IPO5: variants seen among roughly 807,000 people sequenced by gnomAD.
IPO5 encodes importin 5.
Under a neutral mutation model 143.3 loss-of-function variants are expected in IPO5, and 18 were observed. That is an observed-to-expected ratio of 0.13 (90% CI 0.09 to 0.19). The LOEUF (loss-of-function observed/expected upper bound fraction) is 0.19. IPO5 is among the 10% of genes least tolerant of loss of function. The pLI, the probability that IPO5 is intolerant of heterozygous loss-of-function variation, is 1.00. For missense variants in IPO5, 1,013 were observed against 1,336.9 expected, an observed-to-expected ratio of 0.76 and a Z score of 3.78; for synonymous variants, 477 against 465.7, an observed-to-expected ratio of 1.02 and a Z score of -0.31.
At position 97,976,717 on chromosome 13, in the gene IPO5, G is replaced by A; in HGVS notation, c.21G>A (p.Glu7=). 1.4e-6 allele frequency: 2 copies of A among 1,397,822 alleles called. No individual in the cohort carries two copies. The highest frequency in any genetic ancestry group is 9.5e-7 in the Non-Finnish European group (1 of 1,050,904). The allele number at this position is 1,397,822 out of a possible 1,614,324, so 86.6% of individuals were successfully genotyped here. A position where few individuals can be genotyped will look rare whatever the true frequency, so the allele number is the denominator to read the frequency against. ...GCGCAATGGCGGCGGCCGCGGCGGA[G>A]CAGCAACAGTTCTACCTGCTCCTGG... MAAAAA[E]QQQFYLLLGN... is the part of the protein sequence containing the mutation. Residue 7 remains glutamate (E), a synonymous_variant, in exon 4 of 29, where the codon GAG becomes GAA. Transcript: ENST00000651721.
In IPO5 at chr13:98,010,104, C is replaced by T; in HGVS notation, c.1935C>T (p.Thr645=). ...ATTTGTTTTCTTCTCCGTTAATAGC[C>T]CAAGACATGGAGAATATGAGTGATG... ...SIKPEVALLD[T]QDMENMSDDD... Residue 645 remains threonine, a splice_region_variant and synonymous_variant, in exon 20 of 29, where the codon ACC becomes ACT. Coordinates refer to ENST00000651721, the MANE Select transcript of IPO5 (RefSeq NM_002271.6). 1 of 1,613,780 alleles carries T rather than the reference C, an allele frequency of 6.2e-7. No homozygotes were observed. Among genetic ancestry groups the T allele is most frequent in the Non-Finnish European group, 8.5e-7 (1 of 1,179,858 alleles).
At chr13:97,982,159 G>A (rs1225612903) in intron 4 of IPO5, 1 of 207,778 alleles carries the variant, frequency 4.8e-6, no homozygotes, top group African/African-American at 2.3e-5. Context: ...GTGATTTTAA[G>A]TGAGCCCTAA....
rs764957185 is a variant in IPO5 at position 98,016,717 on chromosome 13, TG to T, written c.2494-11del. 1.7e-4 allele frequency: 225 copies of T among 1,349,738 alleles called. 1 individual carries two copies. In the East Asian group the frequency reaches 3.1e-3, roughly 18 times the overall value. 83.6% of individuals were successfully genotyped at this position (1,349,738 alleles called of 1,614,324 possible). ...TAATCCATATGAGTGTTTATGTGTATGTTTTTTTTAGGATGATAATGATGTT... is the reference window on the plus strand; with the variant it reads ...TAATCCATATGAGTGTTTATGTGTATTTTTTTTTAGGATGATAATGATGTT... On this transcript the variant is annotated splice_polypyrimidine_tract_variant and intron_variant, in intron 24 of 28. Coordinates refer to ENST00000651721, the MANE Select transcript of IPO5 (RefSeq NM_002271.6).
chr13:97,966,133 C>CAAA (rs34256210), intron 2 of IPO5, among the ~76,000 whole-genome samples: 67 of 89,202 alleles, frequency 7.5e-4, no homozygotes, highest in African/African-American at 1.3e-3. Flanking sequence ...GGCCCCCTCT[C>CAAA]AAAAAAAAAA....
Position 98,005,132 on chromosome 13 carries a change from A to G in IPO5, c.1498-998A>G, listed in dbSNP as rs138603028. ...GTCTGTTCTTGAACACCTGACCTCA[A>G]GTCATCCGCCCACCTGGGCCTCCCA... On this transcript the variant is annotated intron_variant, in intron 16 of 28. Transcript: ENST00000651721. Among the ~76,000 whole-genome samples, 69 of 149,826 alleles carry G rather than the reference A, an allele frequency of 4.6e-4. 1 individual carries two copies. The East Asian group carries it at 0.013, about 29-fold the overall frequency.
chr13:97,991,466 A>G (rs1887800308), intron 9 of IPO5, among the ~76,000 whole-genome samples: 1 of 152,234 alleles, frequency 6.6e-6, no homozygotes, highest in Non-Finnish European at 1.5e-5. Flanking sequence ...AAGGTTCTGA[A>G]CAAAGCAAAG....
At chr13:97,975,302 A>C (rs983537727) in intron 3 of IPO5, among the ~76,000 whole-genome samples, 1 of 151,978 alleles carries the variant, frequency 6.6e-6, no homozygotes, top group African/African-American at 2.4e-5. Flanking sequence ...CAACTGGGCC[A>C]ACTTGGTGAA....
intron 2 of IPO5, among the ~76,000 whole-genome samples, chr13:97,968,157 T>C (rs142364711): frequency 2.0e-4 from 31 of 152,360 alleles, no homozygotes; most frequent in African/African-American, 7.2e-4. Flanking sequence ...ACTTGTTATT[T>C]AGGAGTATGC....
rs889246310 is a variant in IPO5 at position 98,015,166 on chromosome 13, A to G, written c.2326-364A>G. On this transcript the variant is annotated intron_variant, in intron 22 of 28. Coordinates refer to ENST00000651721, the MANE Select transcript of IPO5 (RefSeq NM_002271.6). ...CCTATATTTTATTTCTTCTACCTCT[A>G]ATGCCCTTCCTTCAGTGTTCTTGTA... is the stretch of plus-strand genomic sequence containing the variant. Among the ~76,000 whole-genome samples, 60 of 151,634 alleles carry G rather than the reference A, an allele frequency of 4.0e-4. 3 individuals carry two copies.
At chr13:97,980,749 C>A (rs1426274949) in intron 4 of IPO5, among the ~76,000 whole-genome samples, 2 of 151,726 alleles carry the variant, frequency 1.3e-5, no homozygotes, top group Non-Finnish European at 2.9e-5. Context: ...ATCTCTTGAA[C>A]CTGGGCAGCA....
rs1380329286 is a variant in IPO5 at position 97,990,425 on chromosome 13, G to T, written c.565-8G>T. 1 of 1,573,822 alleles carries T rather than the reference G, an allele frequency of 6.4e-7. No homozygotes were observed. Among genetic ancestry groups the T allele is most frequent in the Admixed American group, 1.9e-5 (1 of 52,680 alleles). On this transcript the variant is annotated splice_region_variant and splice_polypyrimidine_tract_variant and intron_variant, in intron 8 of 28. Coordinates refer to ENST00000651721, the MANE Select transcript of IPO5 (RefSeq NM_002271.6). ...CTCATGTTTGACATTTTTTCCTCTT[G>T]ATTTTAGATCAGGACGTTATCTGCT...
At chr13:97,958,934 G>A (rs1884657940) in intron 2 of IPO5, among the ~76,000 whole-genome samples, 1 of 152,096 alleles carries the variant, frequency 6.6e-6, no homozygotes, top group African/African-American at 2.4e-5. Flanking sequence ...CACTTTGGGA[G>A]GCTGAGGCAG....
chr13:97,995,189 T>G (rs2139721269), intron 11 of IPO5, among the ~76,000 whole-genome samples: 1 of 151,254 alleles, frequency 6.6e-6, no homozygotes, highest in African/African-American at 2.4e-5. Flanking sequence ...GTTTTTTTTT[T>G]TTTTGTTTGT....
intron 4 of IPO5, among the ~76,000 whole-genome samples, chr13:97,978,563 A>C (rs766407903): frequency 1.3e-5 from 2 of 152,136 alleles, no homozygotes; most frequent in Non-Finnish European, 2.9e-5. Context: ...TGGGGATATG[A>C]TGATGCTTTA....
At chr13:97,988,025 C>A in intron 6 of IPO5, 1 of 285,282 alleles carries the variant, frequency 3.5e-6, no homozygotes, top group South Asian at 2.9e-5. Context: ...TTAATGTCAG[C>A]TTAGCAGCAC....
intron 22 of IPO5, among the ~76,000 whole-genome samples, chr13:98,015,242 T>TTGTGTGTGTGTGTGTG (rs1179382229): frequency 2.6e-4 from 39 of 147,828 alleles, no homozygotes; most frequent in African/African-American, 6.5e-4. Context: ...TAGGAGCTGG[T>TTGTGTGTGTGTGTGTG]TGTGTGTGTG....
intron 5 of IPO5, among the ~76,000 whole-genome samples, chr13:97,983,513 T>C (rs1405265364): frequency 2.6e-5 from 4 of 151,176 alleles, no homozygotes; most frequent in East Asian, 1.9e-4. Context: ...CTACTACTGA[T>C]TGAGGCATTT....
At chr13:98,005,925 A>AG (rs1306109825) in intron 16 of IPO5, among the ~76,000 whole-genome samples, 2 of 152,230 alleles carry the variant, frequency 1.3e-5, no homozygotes, top group Non-Finnish European at 2.9e-5. Context: ...AATAGAAGAG[A>AG]GAAAAAAAAA....
chr13:98,007,227 T>C (rs1190448633), intron 17 of IPO5: 1 of 152,310 alleles, frequency 6.6e-6, no homozygotes, highest in African/African-American at 2.4e-5. Context: ...CCACACACAG[T>C]GCATCTCGTG....
Sources: allele counts gnomAD v4.1 joint callset (sites outside exome capture counted in the v4.1 genomes callset), GRCh38; gene constraint gnomAD v4.1.1; transcripts MANE v1.5; gene names NCBI Gene and HGNC (gene_info 2026-07-23, HGNC 2026-07-21).